Variants in SLC36A4 observed in about 807,000 individuals in gnomAD.
SLC36A4 encodes neutral amino acid uniporter 4.
In SLC36A4, 49 loss-of-function variants were observed where a neutral mutation model predicts 50.5. The observed-to-expected ratio is 0.97, with a 90% CI of 0.77 to 1.23. SLC36A4 has a LOEUF of 1.23. Among genes scored for constraint, SLC36A4 ranks in the 50% most tolerant of loss-of-function variants. The probability of loss-of-function intolerance (pLI) is 0.00; values close to 1 mark genes in which losing one functional copy is unlikely to be tolerated. For synonymous variants in SLC36A4, 207 were observed against 206.5 expected (o/e 1.00, Z -0.02); for missense variants, 611 against 608.4 (o/e 1.00, Z -0.05).
intron 9 of SLC36A4, among the ~76,000 whole-genome samples, chr11:93,158,205 G>A (rs536058922): frequency 6.6e-6 from 1 of 152,152 alleles, no homozygotes; most frequent in Non-Finnish European, 1.5e-5. Flanking sequence ...CCACATAACT[G>A]AAAGACACGT....
intron 10 of SLC36A4, among the ~76,000 whole-genome samples, chr11:93,153,615 T>G (rs180898374): frequency 6.6e-6 from 1 of 152,128 alleles, no homozygotes; most frequent in Non-Finnish European, 1.5e-5. Flanking sequence ...GAAGGCATTT[T>G]ATGATGAAGA....
intron 9 of SLC36A4, chr11:93,160,256 G>T (rs951649997): frequency 1.0e-6 from 1 of 985,298 alleles, no homozygotes; most frequent in African/African-American, 1.7e-5. Context: ...TATCTCCACA[G>T]TGCAAAGGCA....
At chr11:93,162,660 A>G (rs373749894) in intron 9 of SLC36A4, 46 bp downstream of exon 9, 4 of 1,424,400 alleles carry the variant, frequency 2.8e-6, no homozygotes, top group Admixed American at 4.4e-5. Context: ...ACAGTGGTAC[A>G]TTATAAAATA....
Position 93,184,512 on chromosome 11 carries a change from T to A in SLC36A4, c.188A>T (p.Gln63Leu). 1 of 1,591,740 alleles carries A rather than the reference T, an allele frequency of 6.3e-7. No individual in the cohort carries two copies. Among genetic ancestry groups the A allele is most frequent in the South Asian group, 1.1e-5 (1 of 89,672 alleles). Reference protein sequence around the residue: ...LDDQEGISFVQTLMHLLKGNI... With the variant: ...LDDQEGISFVLTLMHLLKGNI... ...TCCTTTAAGAAGGTGCATAAGAGTT[T>A]GTACAAATCTGAAAAGTAAAAGTTG... Residue 63 changes from glutamine to leucine, a missense_variant, in exon 3 of 11, where the codon CAA (glutamine) becomes CTA (leucine). Physicochemically the swap from Gln to Leu is moderately radical, Grantham distance 113. Transcript: ENST00000326402.
intron 9 of SLC36A4, 96 bp downstream of exon 9, chr11:93,162,610 T>C (rs1860674806): frequency 1.1e-5 from 12 of 1,086,444 alleles, no homozygotes; most frequent in South Asian, 1.8e-5. Context: ...AAATTTTAAA[T>C]GTTTAAACCA....
chr11:93,169,685 AT>A, intron 6 of SLC36A4, among the ~76,000 whole-genome samples: 1 of 152,242 alleles, frequency 6.6e-6, no homozygotes, highest in East Asian at 1.9e-4. Flanking sequence ...AAGTTGCACC[AT>A]TTAAGAAATG....
At chr11:93,187,128 C>CAA (rs1181821388) in intron 1 of SLC36A4, among the ~76,000 whole-genome samples, 2 of 149,484 alleles carry the variant, frequency 1.3e-5, no homozygotes, top group Non-Finnish European at 1.5e-5. Context: ...TTTCATTCCT[C>CAA]GAGTTTCTTG....
chr11:93,171,241 T>C (rs1241853810), intron 6 of SLC36A4: 10 of 152,116 alleles, frequency 6.6e-5, no homozygotes, highest in Non-Finnish European at 1.0e-4. Context: ...TTAGGACATG[T>C]GCAAAGTTAA....
intron 1 of SLC36A4, among the ~76,000 whole-genome samples, chr11:93,189,683 T>C (rs182855953): frequency 1.3e-5 from 2 of 152,330 alleles, no homozygotes; most frequent in African/African-American, 4.8e-5. Flanking sequence ...AAGCATACTA[T>C]CTGTCCTCAA....
chr11:93,189,613 T>C (rs1372052189), intron 1 of SLC36A4, among the ~76,000 whole-genome samples: 4 of 152,208 alleles, frequency 2.6e-5, no homozygotes, highest in African/African-American at 9.6e-5. Context: ...AAATTATCAG[T>C]TATTTGACCT....
At position 93,181,675 on chromosome 11, in the gene SLC36A4, C is replaced by T; in HGVS notation, c.455+16G>A. The T allele has an allele frequency of 6.8e-7, 1 of 1,471,876 alleles. No homozygotes were observed. Among genetic ancestry groups the T allele is most frequent in the South Asian group, 1.5e-5 (1 of 68,574 alleles). 91.2% of individuals were successfully genotyped at this position (1,471,876 alleles called of 1,614,324 possible). A position where few individuals can be genotyped will look rare whatever the true frequency, so the allele number is the denominator to read the frequency against. Reference sequence around the variant, plus strand: ...AATTTTAACAATCATATATTAATAACAGAGTAAGTACTTACCGCCCCCATG... The same window carrying T: ...AATTTTAACAATCATATATTAATAATAGAGTAAGTACTTACCGCCCCCATG... On this transcript the variant is annotated intron_variant, in intron 5 of 10. Coordinates refer to ENST00000326402, the MANE Select transcript of SLC36A4 (RefSeq NM_152313.4).
chr11:93,155,927 T>C (rs992475342), intron 9 of SLC36A4, among the ~76,000 whole-genome samples: 4 of 152,220 alleles, frequency 2.6e-5, no homozygotes, highest in Admixed American at 2.6e-4. Context: ...TATGGCTGCA[T>C]AGTATTCCAT....
intron 2 of SLC36A4, 106 bp from the exon 3 acceptor site, chr11:93,184,626 A>T (rs1423848880): frequency 1.5e-6 from 1 of 672,210 alleles, no homozygotes; most frequent in Non-Finnish European, 2.5e-6. Flanking sequence ...CTAGGCAAGG[A>T]ACCAAATAAC....
At chr11:93,155,145 A>C (rs1157818708) in intron 9 of SLC36A4, 1 of 152,148 alleles carries the variant, frequency 6.6e-6, no homozygotes, top group Non-Finnish European at 1.5e-5. Context: ...AGGGTTGCAG[A>C]ATAATAAAAT....
Position 93,148,614 on chromosome 11 carries a change from G to A in SLC36A4, c.1438C>T (p.Pro480Ser). The A allele has an allele frequency of 6.2e-7, 1 of 1,612,748 alleles. No homozygotes were observed. Among genetic ancestry groups the A allele is most frequent in the East Asian group, 2.2e-5 (1 of 44,814 alleles). The change falls in exon 11 of 11, where the codon CCC (proline) becomes TCC (serine). Residue 480 changes from proline (P) to serine (S), a missense_variant. Physicochemically the swap from Pro to Ser is moderately conservative, Grantham distance 74. Coordinates refer to ENST00000326402, the MANE Select transcript of SLC36A4 (RefSeq NM_152313.4). ...ITVEEIIYPT[P>S]KVVAGTPQSP... ...TGTGGAGTGCCAGCTACAACTTTGG[G>A]AGTAGGATAAATAATTTCTTCAACA...
chr11:93,162,573 T>G, intron 9 of SLC36A4, 133 bp downstream of exon 9: 1 of 760,522 alleles, frequency 1.3e-6, no homozygotes, highest in Non-Finnish European at 2.0e-6. Flanking sequence ...CCTCCCAAAG[T>G]GATGGGATTC....
chr11:93,168,954 A>G (rs1050968724), intron 6 of SLC36A4, among the ~76,000 whole-genome samples: 3 of 152,120 alleles, frequency 2.0e-5, no homozygotes, highest in Non-Finnish European at 4.4e-5. Context: ...ACTAAAATAG[A>G]AATGAAATTA....
intron 6 of SLC36A4, among the ~76,000 whole-genome samples, chr11:93,179,072 G>C (rs1418195116): frequency 6.6e-6 from 1 of 152,188 alleles, no homozygotes; most frequent in Non-Finnish European, 1.5e-5. Context: ...GTTTGCACAG[G>C]ATGGGAGCAA....
At chr11:93,170,454 G>A (rs1037321309) in intron 6 of SLC36A4, among the ~76,000 whole-genome samples, 2 of 151,900 alleles carry the variant, frequency 1.3e-5, no homozygotes, top group Admixed American at 6.6e-5. Context: ...TGTCAGCTGA[G>A]CCTCACAATA....
Sources: allele counts gnomAD v4.1 joint callset (sites outside exome capture counted in the v4.1 genomes callset), GRCh38; gene constraint gnomAD v4.1.1; transcripts MANE v1.5; gene names NCBI Gene and HGNC (gene_info 2026-07-23, HGNC 2026-07-21).